Variants in ZNF142 observed in about 807,000 individuals in gnomAD.
ZNF142 encodes zinc finger protein 142 (clone pHZ-49).
A neutral mutation model predicts 132.1 loss-of-function variants in ZNF142; 96 were observed. The ratio of observed to expected loss-of-function variants is 0.73; its 90% confidence interval spans 0.62 to 0.86. The LOEUF is 0.86. ZNF142 is among the 40% of genes least tolerant of loss of function. The probability of loss-of-function intolerance (pLI) is 0.00; values close to 1 mark genes in which losing one functional copy is unlikely to be tolerated. For synonymous variants in ZNF142, 842 were observed against 890.1 expected (o/e 0.95, Z 0.96); for missense variants, 2,163 against 2,336.2 (o/e 0.93, Z 1.53).
chr2:218,640,549 T>C, intron 10 of ZNF142, 115 bp downstream of exon 10: 1 of 877,536 alleles, frequency 1.1e-6, no homozygotes, highest in Non-Finnish European at 1.8e-6. Context: ...TGCTGTCTAC[T>C]CCCAATGTGA....
Position 218,635,820 on chromosome 2 carries a change from A to G in ZNF142, c.*2519T>C, listed in dbSNP as rs764825131. The G allele has an allele frequency of 1.2e-5, 20 of 1,613,616 alleles. No homozygotes were observed. The South Asian group carries it at 2.2e-4, about 18-fold the overall frequency. ...GGTGATCAGCGGTCAGCAACTCCCC[A>G]AAGTGGACAAGACCAAAGAGGGGTC... On this transcript the variant is annotated 3_prime_UTR_variant, in exon 11 of 11. Transcript: ENST00000411696.
rs1271619227 is a variant in ZNF142 at position 218,635,171 on chromosome 2, G to A, written c.*3168C>T. 1.3e-5 allele frequency among the ~76,000 whole-genome samples: 2 copies of A among 152,090 alleles called. No individual in the cohort carries two copies. Among genetic ancestry groups the A allele is most frequent in the African/African-American group, 4.8e-5 (2 of 41,406 alleles). On this transcript the variant is annotated 3_prime_UTR_variant, in exon 11 of 11. Transcript: ENST00000411696. ...TAGTCCTGGCTACTCAGGAGGCTAA[G>A]GCTGGAGGGTCACTTTAGCCCAGGA...
chr2:218,658,106 G>T (rs1374307583), intron 3 of ZNF142, among the ~76,000 whole-genome samples: 1 of 152,222 alleles, frequency 6.6e-6, no homozygotes, highest in East Asian at 1.9e-4. Flanking sequence ...GAACATAACT[G>T]AGGAATGAAT....
rs1310142813 is a variant in ZNF142 at position 218,653,173 on chromosome 2, A to G, written c.281-873T>C. 5.3e-5 allele frequency among the ~76,000 whole-genome samples: 8 copies of G among 151,986 alleles called. No individual in the cohort carries two copies. The East Asian group carries it at 1.4e-3, about 26-fold the overall frequency. On this transcript the variant is annotated intron_variant, in intron 4 of 10. Transcript: ENST00000411696. ...CACGCACCTGTAGTCCCAGCTACTC[A>G]GGAGGCTGAGGCAGGAGAATCGCTT...
rs562934941 is a variant in ZNF142 at position 218,645,030 on chromosome 2, G to A, written c.2086C>T (p.Arg696Trp). The change falls in exon 9 of 11, where the codon CGG (arginine) becomes TGG (tryptophan). Residue 696 changes from arginine to tryptophan, a missense_variant. Arg to Trp is a moderately radical substitution (Grantham distance 101). This residue lies in a region of ZNF142 where 749 missense variants were observed against 830.3 expected (regional missense o/e 0.90). Coordinates refer to ENST00000411696, the MANE Select transcript of ZNF142 (RefSeq NM_001379659.1). Reference sequence around the variant, plus strand: ...TTGTGGCTGCTCAGCTGATCAGCCCGGTGACAGCGATAGGAGCACTGGTTG... The same window carrying A: ...TTGTGGCTGCTCAGCTGATCAGCCCAGTGACAGCGATAGGAGCACTGGTTG... ...QCNQCSYRCH[R>W]ADQLSSHKLR... is the part of the protein sequence containing the mutation. The A allele has an allele frequency of 1.1e-5, 18 of 1,613,444 alleles. No homozygotes were observed. Among genetic ancestry groups the A allele is most frequent in the East Asian group, 2.2e-5 (1 of 44,864 alleles).
At position 218,642,338 on chromosome 2, in the gene ZNF142, A is replaced by AC; in HGVS notation, c.4777dup (p.Val1593GlyfsTer12). 1 of 1,613,574 alleles carries AC rather than the reference A, an allele frequency of 6.2e-7. No homozygotes were observed. Among genetic ancestry groups the AC allele is most frequent in the Non-Finnish European group, 8.5e-7 (1 of 1,180,014 alleles). On this transcript the variant is annotated frameshift_variant, in exon 9 of 11. Transcript: ENST00000411696. LOFTEE classifies it high-confidence loss of function. This position sits in a 1 kb window ranked among gnomAD's most constrained non-coding sequence, Gnocchi z 4.6. The stretch of plus-strand genomic sequence containing the variant: ...TTCCAGGTAGTGCTTTACCAGGCCC[A>AC]CCCGCTCCCGGGCAGCAAAGTCACA...
At position 218,644,395 on chromosome 2, in the gene ZNF142, C is replaced by T; in HGVS notation, c.2721G>A (p.Val907=). 1.2e-6 allele frequency: 2 copies of T among 1,614,104 alleles called. No homozygotes were observed. Among genetic ancestry groups the T allele is most frequent in the African/African-American group, 1.3e-5 (1 of 75,038 alleles). Residue 907 remains valine (V), a synonymous_variant, in exon 9 of 11, where the codon GTG becomes GTA. Transcript: ENST00000411696. The surrounding 1 kb of genome is among the most constrained non-coding windows in gnomAD (Gnocchi z 4.6). The part of the protein sequence containing the change: ...LEALGVELES[V]TEPPLEEVTE... ...TGACCTCCTCAAGGGGTGGCTCAGT[C>T]ACAGACTCCAGCTCTACTCCCAGGG...
chr2:218,656,474 A>G lies in ZNF142; in HGVS notation c.-34-11T>C, dbSNP rs780593953. On this transcript the variant is annotated splice_polypyrimidine_tract_variant and intron_variant, in intron 3 of 10. Coordinates refer to ENST00000411696, the MANE Select transcript of ZNF142 (RefSeq NM_001379659.1). ...TTGGCTTCTTAAATGCTGACAAGCC[A>G]ACCAGAAGAAAAACAAAGTAAGGTT... 1 of 1,424,004 alleles carries G rather than the reference A, an allele frequency of 7.0e-7. No homozygotes were observed. Among genetic ancestry groups the G allele is most frequent in the South Asian group, 1.9e-5 (1 of 53,870 alleles). 88.2% of individuals were successfully genotyped at this position (1,424,004 alleles called of 1,614,324 possible). A position where few individuals can be genotyped will look rare whatever the true frequency, so the allele number is the denominator to read the frequency against.
At chr2:218,657,353 A>G (rs1938609854) in intron 3 of ZNF142, among the ~76,000 whole-genome samples, 1 of 151,758 alleles carries the variant, frequency 6.6e-6, no homozygotes, top group South Asian at 2.1e-4. Flanking sequence ...CCCCTTCTCA[A>G]TCTCTCTCTC....
rs900210290 is a variant in ZNF142 at position 218,636,892 on chromosome 2, T to C, written c.*1447A>G. 4.2e-6 allele frequency: 2 copies of C among 478,100 alleles called. No individual in the cohort carries two copies. The highest frequency in any genetic ancestry group is 8.3e-6 in the Non-Finnish European group (2 of 242,032). 29.6% of individuals were successfully genotyped at this position (478,100 alleles called of 1,614,324 possible). The stretch of plus-strand genomic sequence containing the variant: ...CCCATACCGACATCTACAACTAATC[T>C]TTCCCATCAACTCTGTGTGAAGGCA... On this transcript the variant is annotated 3_prime_UTR_variant, in exon 11 of 11. Coordinates refer to ENST00000411696, the MANE Select transcript of ZNF142 (RefSeq NM_001379659.1).
In ZNF142 at chr2:218,656,383, TC is replaced by T; in HGVS notation, c.46del (p.Glu16ArgfsTer11). 6.9e-7 allele frequency: 1 copy of T among 1,451,544 alleles called. No individual in the cohort carries two copies. The allele number at this position is 1,451,544 out of a possible 1,614,324, so 89.9% of individuals were successfully genotyped here. ...LDSQPASSTG[E>X]MDGLCPELLL... ...TAGCTCAGGGCACAGTCCATCCATC[TC>T]CCCGGTGCTACTGGCTGGCTGTGAG... On this transcript the variant is annotated frameshift_variant, in exon 4 of 11. Coordinates refer to ENST00000411696, the MANE Select transcript of ZNF142 (RefSeq NM_001379659.1). LOFTEE classifies it high-confidence loss of function.
Position 218,633,560 on chromosome 2 carries a change from A to T in ZNF142, c.*4779T>A, listed in dbSNP as rs986113065. The T allele has an allele frequency of 1.7e-5, 27 of 1,592,246 alleles. No individual in the cohort carries two copies. Among genetic ancestry groups the T allele is most frequent in the Non-Finnish European group, 2.3e-5 (27 of 1,160,334 alleles). On this transcript the variant is annotated 3_prime_UTR_variant, in exon 11 of 11. Transcript: ENST00000411696. ...GATGGCCATTATCTTCTTCTCTCTC[A>T]GACTGCTGAGGGTTCAATTCCATCT...
At chr2:218,649,842 G>T (rs184995757) in intron 6 of ZNF142, among the ~76,000 whole-genome samples, 1 of 152,202 alleles carries the variant, frequency 6.6e-6, no homozygotes, top group Non-Finnish European at 1.5e-5. Context: ...CCAAGGGGGT[G>T]AGCCAAAAGA....
intron 7 of ZNF142, among the ~76,000 whole-genome samples, chr2:218,646,591 T>G (rs1271494048): frequency 2.0e-5 from 3 of 152,160 alleles, no homozygotes; most frequent in Non-Finnish European, 2.9e-5. Context: ...TTTCTTTTTT[T>G]TTTTTAAATT....
At chr2:218,645,448 T>C (rs1697652262) in intron 8 of ZNF142, among the ~76,000 whole-genome samples, 1 of 152,166 alleles carries the variant, frequency 6.6e-6, no homozygotes, top group Non-Finnish European at 1.5e-5. Context: ...CTGTGCCTCA[T>C]TTCCCTTCTC....
chr2:218,640,537 C>A, intron 10 of ZNF142, 127 bp downstream of exon 10: 1 of 788,734 alleles, frequency 1.3e-6, no homozygotes, highest in South Asian at 1.7e-5. Flanking sequence ...ACAACCCCAC[C>A]CTGCTGTCTA....
chr2:218,636,305 C>T lies in ZNF142; in HGVS notation c.*2034G>A. ...GGTGCTGGTGCCTGAACTTGCCATG[C>T]TGCGTTTTGTGGTAATGGATTATGA... On this transcript the variant is annotated 3_prime_UTR_variant, in exon 11 of 11. Transcript: ENST00000411696. 2.5e-6 allele frequency: 4 copies of T among 1,614,058 alleles called. No homozygotes were observed. Among genetic ancestry groups the T allele is most frequent in the South Asian group, 1.1e-5 (1 of 91,082 alleles).
rs2106167626 is a variant in ZNF142, at chr2:218,634,488, A to T, written c.*3851T>A. 6.2e-7 allele frequency: 1 copy of T among 1,613,970 alleles called. No homozygotes were observed. The highest frequency in any genetic ancestry group is 8.5e-7 in the Non-Finnish European group (1 of 1,179,854). ...ATGAATATGCAGACTGCAGGGCTTG[A>T]AATGGACATCTGTGATGGGCATTTC... On this transcript the variant is annotated 3_prime_UTR_variant, in exon 11 of 11. Coordinates refer to ENST00000411696, the MANE Select transcript of ZNF142 (RefSeq NM_001379659.1). The surrounding 1 kb of genome is among the most constrained non-coding windows in gnomAD (Gnocchi z 4.0).
chr2:218,658,387 A>G (rs1360069522), intron 3 of ZNF142, among the ~76,000 whole-genome samples: 2 of 152,110 alleles, frequency 1.3e-5, no homozygotes, highest in Non-Finnish European at 2.9e-5. Flanking sequence ...TAAAAATACA[A>G]AAAATCAGCA....
Sources: allele counts gnomAD v4.1 joint callset (sites outside exome capture counted in the v4.1 genomes callset), GRCh38; gene constraint gnomAD v4.1.1; regional missense constraint gnomAD v4.1.1; non-coding constraint Gnocchi (gnomAD v3.1); transcripts MANE v1.5; gene names NCBI Gene and HGNC (gene_info 2026-07-23, HGNC 2026-07-21).